MYO16: variants seen among roughly 807,000 people sequenced by gnomAD.
MYO16 encodes myosin XVI.
MYO16 carries 94 observed loss-of-function variants against 205.3 expected under a neutral mutation model. The observed-to-expected ratio is 0.46, with a 90% CI of 0.39 to 0.54. The LOEUF (loss-of-function observed/expected upper bound fraction) is 0.54. MYO16 is among the 20% of genes least tolerant of loss of function. The pLI, the probability that MYO16 is intolerant of heterozygous loss-of-function variation, is 0.00. For missense variants in MYO16, 2,315 were observed against 2,387.5 expected (o/e 0.97, Z 0.63); for synonymous variants, 988 against 954.0 (o/e 1.04, Z -0.66).
At chr13:108,861,663 G>A (rs572625597) in intron 11 of MYO16, among the ~76,000 whole-genome samples, 1 of 152,016 alleles carries the variant, frequency 6.6e-6, no homozygotes, top group Non-Finnish European at 1.5e-5. Flanking sequence ...GTTGTAGAGT[G>A]GTAGCTTATT....
intron 2 of MYO16, among the ~76,000 whole-genome samples, chr13:108,675,318 A>G (rs1882154525): frequency 6.6e-6 from 1 of 152,218 alleles, no homozygotes; most frequent in African/African-American, 2.4e-5. Flanking sequence ...AGATACATTC[A>G]GTGCATTATG....
At position 108,806,796 on chromosome 13, in the gene MYO16, T is replaced by C; in HGVS notation, c.859T>C (p.Tyr287His). 6.5e-7 allele frequency: 1 copy of C among 1,545,384 alleles called. No homozygotes were observed. The highest frequency in any genetic ancestry group is 8.8e-7 in the Non-Finnish European group (1 of 1,140,584). ...YWTPLHLAAK[Y>H]GQTNLVKLLL... ...GACTCCCCTCCACTTGGCAGCCAAA[T>C]ATGGCCAGGTAGAGTGATTTGCTGA... The change falls in exon 7 of 35, where the codon TAT (tyrosine) becomes CAT (histidine). Residue 287 changes from tyrosine to histidine, a missense_variant. Transcript: ENST00000457511.
chr13:108,863,588 G>C (rs1176140862), intron 11 of MYO16, among the ~76,000 whole-genome samples: 5 of 152,022 alleles, frequency 3.3e-5, no homozygotes, highest in Non-Finnish European at 7.4e-5. Flanking sequence ...GATTCAATTT[G>C]TTAATATTTT....
At chr13:109,159,876 G>T (rs966344063) in intron 32 of MYO16, among the ~76,000 whole-genome samples, 1 of 152,248 alleles carries the variant, frequency 6.6e-6, no homozygotes, top group East Asian at 1.9e-4. Flanking sequence ...AGGCCAGCAG[G>T]AGTCAGGGCA....
At chr13:108,890,104 AT>A (rs60627565) in intron 14 of MYO16, among the ~76,000 whole-genome samples, 191 of 94,882 alleles carry the variant, frequency 2.0e-3, no homozygotes, top group Non-Finnish European at 2.3e-3. Flanking sequence ...TAATTTTTGT[AT>A]TTTTTTTTTT....
chr13:109,031,182 C>T (rs1435690007), intron 23 of MYO16, among the ~76,000 whole-genome samples: 3 of 152,102 alleles, frequency 2.0e-5, no homozygotes, highest in Non-Finnish European at 4.4e-5. Flanking sequence ...ACCTCTGCCT[C>T]CCAGATTCAA....
chr13:109,021,659 C>G (rs144127414), intron 23 of MYO16, among the ~76,000 whole-genome samples: 2 of 152,244 alleles, frequency 1.3e-5, no homozygotes, highest in South Asian at 4.1e-4. Context: ...CATTCCAACA[C>G]AGCACCTACC....
At chr13:108,884,139 A>T (rs1390519900) in intron 13 of MYO16, among the ~76,000 whole-genome samples, 2 of 152,246 alleles carry the variant, frequency 1.3e-5, no homozygotes, top group Admixed American at 1.3e-4. Context: ...GGATAAGTAC[A>T]GTAGCACACA....
At chr13:108,789,347 C>G in intron 5 of MYO16, among the ~76,000 whole-genome samples, 1 of 152,152 alleles carries the variant, frequency 6.6e-6, no homozygotes, top group Non-Finnish European at 1.5e-5. Context: ...GCTGGTCTTT[C>G]TATTTTACAT....
At chr13:108,958,798 C>G (rs1329933899) in intron 17 of MYO16, among the ~76,000 whole-genome samples, 1 of 152,134 alleles carries the variant, frequency 6.6e-6, no homozygotes, top group African/African-American at 2.4e-5. Context: ...TTCCCAGAGG[C>G]ATTATCTCTG....
intron 20 of MYO16, among the ~76,000 whole-genome samples, chr13:108,985,631 C>G (rs277799): frequency 0.011 from 1,733 of 152,296 alleles, 28 homozygotes; most frequent in African/African-American, 0.04. Context: ...CTGGGCCACT[C>G]AAACATCTTG....
chr13:108,891,533 G>A (rs367803750), intron 14 of MYO16, among the ~76,000 whole-genome samples: 2 of 152,118 alleles, frequency 1.3e-5, no homozygotes, highest in African/African-American at 4.8e-5. Flanking sequence ...GTACATATGT[G>A]CTATATCATT....
intron 16 of MYO16, among the ~76,000 whole-genome samples, chr13:108,937,258 T>C (rs942173838): frequency 6.7e-6 from 1 of 149,532 alleles, no homozygotes; most frequent in South Asian, 2.1e-4. Context: ...TGATCTGCTT[T>C]TCTCTCTCTC....
chr13:108,563,514 C>A, the MYO16 span, among the ~76,000 whole-genome samples: 1 of 152,146 alleles, frequency 6.6e-6, no homozygotes, highest in Non-Finnish European at 1.5e-5. Flanking sequence ...CCTCTGATAA[C>A]CATTCTTCTA....
intron 16 of MYO16, among the ~76,000 whole-genome samples, chr13:108,918,270 C>T (rs986062253): frequency 2.0e-5 from 3 of 152,160 alleles, no homozygotes; most frequent in Non-Finnish European, 2.9e-5. Flanking sequence ...CCAAATACAA[C>T]GTCATTAAGA....
intron 4 of MYO16, among the ~76,000 whole-genome samples, chr13:108,735,003 G>A (rs949452517): frequency 6.6e-6 from 1 of 152,128 alleles, no homozygotes; most frequent in African/African-American, 2.4e-5. Context: ...AGAACCCCAC[G>A]CCACCACTCA....
At chr13:109,002,105 A>G (rs960052129) in intron 21 of MYO16, among the ~76,000 whole-genome samples, 7 of 152,198 alleles carry the variant, frequency 4.6e-5, no homozygotes, top group African/African-American at 1.2e-4. Context: ...AAATATTTCA[A>G]TGCCTGCACC....
intron 16 of MYO16, among the ~76,000 whole-genome samples, chr13:108,917,243 C>A (rs11069755): frequency 0.31 from 47,570 of 152,064 alleles, 7,980 homozygotes; most frequent in Non-Finnish European, 0.37. Context: ...GTGGCTCAGC[C>A]CAGGTCTTAG....
At chr13:108,821,598 G>A (rs17393344) in intron 8 of MYO16, among the ~76,000 whole-genome samples, 3,676 of 152,240 alleles carry the variant, frequency 0.024, 61 homozygotes, top group Non-Finnish European at 0.04. Flanking sequence ...TTTCAAGTTC[G>A]TATTCCTGGC....
Sources: gnomAD v4.1 joint callset for allele counts (sites outside exome capture counted in the v4.1 genomes callset) on GRCh38, gnomAD v4.1.1 for gene constraint, MANE v1.5 for transcripts, NCBI Gene and HGNC (gene_info 2026-07-23, HGNC 2026-07-21) for gene names.